The following FOXP2 variants were observed in gnomAD, a reference collection of about 807,000 sequenced individuals.
FOXP2 encodes forkhead box protein P2.
A neutral mutation model predicts 115.8 loss-of-function variants in FOXP2; 12 were observed. The observed-to-expected ratio is 0.10, with a 90% CI of 0.07 to 0.17. FOXP2 has a LOEUF of 0.17. Ranked by LOEUF, FOXP2 falls within the 10% of genes least tolerant of loss-of-function variation. The pLI is 1.00. For missense variants in FOXP2, 629 were observed against 843.5 expected, an observed-to-expected ratio of 0.75 and a Z score of 3.15; for synonymous variants, 328 against 297.7, an observed-to-expected ratio of 1.10 and a Z score of -1.05.
intron 1 of FOXP2, among the ~76,000 whole-genome samples, chr7:114,230,735 G>A (rs1294867420): frequency 6.6e-6 from 1 of 151,734 alleles, no homozygotes; most frequent in African/African-American, 2.4e-5. Flanking sequence ...CATAAGAAAG[G>A]ATTTACATGA....
chr7:114,101,961 T>G (rs1790979538), intron 1 of FOXP2, among the ~76,000 whole-genome samples: 1 of 149,992 alleles, frequency 6.7e-6, no homozygotes, highest in African/African-American at 2.4e-5. Flanking sequence ...AAAGCAGGAT[T>G]CAAGTTCTGT....
chr7:114,638,889 T>C (rs1352863406), intron 6 of FOXP2, among the ~76,000 whole-genome samples: 2 of 152,204 alleles, frequency 1.3e-5, no homozygotes, highest in African/African-American at 4.8e-5. Flanking sequence ...CTTCCTGTTT[T>C]TAATTAAGAA....
At chr7:114,422,244 T>C (rs900134723) in intron 1 of FOXP2, among the ~76,000 whole-genome samples, 8 of 151,782 alleles carry the variant, frequency 5.3e-5, no homozygotes, top group African/African-American at 1.9e-4. Flanking sequence ...TCAAGGTCAC[T>C]GTAATCATTT....
chr7:114,651,845 G>T (rs2129337599), intron 8 of FOXP2, among the ~76,000 whole-genome samples: 1 of 152,118 alleles, frequency 6.6e-6, no homozygotes, highest in South Asian at 2.1e-4. Flanking sequence ...AATTGCCTTT[G>T]TTCTCTTCAG....
intron 1 of FOXP2, among the ~76,000 whole-genome samples, chr7:114,252,906 T>C (rs941869132): frequency 1.3e-5 from 2 of 152,230 alleles, no homozygotes; most frequent in Non-Finnish European, 2.9e-5. Flanking sequence ...TTTAGATCTT[T>C]CCTGCTTTCT....
intron 3 of FOXP2, among the ~76,000 whole-genome samples, chr7:114,584,805 G>A (rs1344776761): frequency 6.6e-6 from 1 of 152,082 alleles, no homozygotes; most frequent in Non-Finnish European, 1.5e-5. Context: ...AGTAACATCC[G>A]TATGGATTGG....
chr7:114,687,698 G>T (rs991102488), intron 16 of FOXP2, among the ~76,000 whole-genome samples: 1 of 152,098 alleles, frequency 6.6e-6, no homozygotes, highest in Non-Finnish European at 1.5e-5. Context: ...CTCTAGGATT[G>T]TTTGTTACCA....
intron 3 of FOXP2, among the ~76,000 whole-genome samples, chr7:114,603,415 T>C (rs1803138529): frequency 6.6e-6 from 1 of 152,242 alleles, no homozygotes; most frequent in South Asian, 2.1e-4. Flanking sequence ...AGGATGAAAC[T>C]GTTCCTGACC....
intron 3 of FOXP2, among the ~76,000 whole-genome samples, chr7:114,535,652 G>A (rs1799352479): frequency 6.6e-6 from 1 of 151,466 alleles, no homozygotes; most frequent in Non-Finnish European, 1.5e-5. Context: ...GTATAAGAGA[G>A]AATTATAAGC....
intron 10 of FOXP2, among the ~76,000 whole-genome samples, chr7:114,657,457 T>A (rs2129340050): frequency 6.6e-6 from 1 of 152,288 alleles, no homozygotes; most frequent in African/African-American, 2.4e-5. Context: ...TCTCTCCATC[T>A]CCAATCAGAT....
At chr7:114,534,788 T>G in intron 3 of FOXP2, 82 bp downstream of exon 3, 1 of 1,035,386 alleles carries the variant, frequency 9.7e-7, no homozygotes, top group Non-Finnish European at 1.5e-6. Flanking sequence ...CACTTGTATA[T>G]ATACAGGAAA....
rs530886106 is a variant in FOXP2, at chr7:114,401,086, G to A, written c.-10-25416G>A. Among the ~76,000 whole-genome samples the A allele has an allele frequency of 3.1e-4, 47 of 152,216 alleles. No individual in the cohort carries two copies. In the South Asian group the frequency reaches 6.6e-3, roughly 22 times the overall value. On this transcript the variant is annotated intron_variant, in intron 2 of 17. Transcript: ENST00000634411. ...CTAGGGAATGTAGAGGGTGAGGAACGTGATTAGATATCAGATGGGGGATGC... is the reference window on the plus strand; with the variant it reads ...CTAGGGAATGTAGAGGGTGAGGAACATGATTAGATATCAGATGGGGGATGC...
intron 1 of FOXP2, among the ~76,000 whole-genome samples, chr7:114,156,293 T>C (rs779816095): frequency 1.3e-5 from 2 of 152,120 alleles, no homozygotes; most frequent in Non-Finnish European, 2.9e-5. Context: ...GGTGTGTGTG[T>C]GCATGTGGGA....
intron 2 of FOXP2, among the ~76,000 whole-genome samples, chr7:114,377,712 C>T (rs919646795): frequency 4.6e-5 from 7 of 152,148 alleles, no homozygotes; most frequent in Non-Finnish European, 1.0e-4. Flanking sequence ...AAGCTTTCTT[C>T]ACATATTTTC....
At chr7:114,236,793 A>G (rs1795017614) in intron 1 of FOXP2, among the ~76,000 whole-genome samples, 1 of 152,118 alleles carries the variant, frequency 6.6e-6, no homozygotes, top group Non-Finnish European at 1.5e-5. Flanking sequence ...CTTTGCCAAC[A>G]TAGCAAAACC....
chr7:114,660,465 G>T (rs1031337410), intron 13 of FOXP2, among the ~76,000 whole-genome samples: 3 of 152,274 alleles, frequency 2.0e-5, no homozygotes, highest in South Asian at 2.1e-4. Flanking sequence ...GCACTCATCA[G>T]CATACTGAGA....
chr7:114,679,669 G>A (rs1201339772), intron 16 of FOXP2, among the ~76,000 whole-genome samples: 1 of 151,842 alleles, frequency 6.6e-6, no homozygotes, highest in Non-Finnish European at 1.5e-5. Flanking sequence ...CCCATAACAT[G>A]TCTACGATTC....
intron 1 of FOXP2, among the ~76,000 whole-genome samples, chr7:114,148,971 C>T (rs942789014): frequency 6.6e-6 from 1 of 152,056 alleles, no homozygotes; most frequent in South Asian, 2.1e-4. Context: ...AAGTGTTCTC[C>T]GTCCCTACCC....
Position 114,317,604 on chromosome 7 carries a change from A to G in FOXP2, c.-11+29495A>G, listed in dbSNP as rs143339156. Among the ~76,000 whole-genome samples the G allele has an allele frequency of 1.2e-4, 19 of 152,290 alleles. No individual in the cohort carries two copies. The East Asian group carries it at 3.1e-3, about 25-fold the overall frequency. On this transcript the variant is annotated intron_variant, in intron 2 of 17. Coordinates refer to the FOXP2 transcript ENST00000634411. ...CATAGCTTCTAGTTAGTCTAAGTCT[A>G]CAATTGATCCCCTGCAGTCTGTTTT...
Sources: gnomAD v4.1 joint callset for allele counts (sites outside exome capture counted in the v4.1 genomes callset) on GRCh38, gnomAD v4.1.1 for gene constraint, MANE v1.5 for transcripts, NCBI Gene and HGNC (gene_info 2026-07-23, HGNC 2026-07-21) for gene names.